The following SUGCT variants were observed in gnomAD, a reference collection of about 807,000 sequenced individuals.
The protein encoded by SUGCT is succinyl-CoA:glutarate CoA-transferase.
Under a neutral mutation model 55.0 loss-of-function variants are expected in SUGCT, and 41 were observed. The observed-to-expected ratio is 0.74, with a 90% CI of 0.58 to 0.97. The LOEUF (loss-of-function observed/expected upper bound fraction) is 0.97. SUGCT is among the 50% of genes least tolerant of loss of function. The pLI is 0.00. For synonymous variants in SUGCT, 187 were observed against 200.4 expected (o/e 0.93, Z 0.56); for missense variants, 568 against 547.8 (o/e 1.04, Z -0.37).
chr7:40,974,869 A>T, the SUGCT span, among the ~76,000 whole-genome samples: 1 of 152,186 alleles, frequency 6.6e-6, no homozygotes. Flanking sequence ...TTTCTCTGTA[A>T]AATGTAGACA....
At chr7:40,488,338 A>G (rs1172927789) in intron 11 of SUGCT, among the ~76,000 whole-genome samples, 1 of 152,154 alleles carries the variant, frequency 6.6e-6, no homozygotes, top group African/African-American at 2.4e-5. Flanking sequence ...TTTGATTGCA[A>G]CAACAAAAAA....
chr7:40,161,413 C>T (rs1348169137), intron 1 of SUGCT, among the ~76,000 whole-genome samples: 1 of 152,164 alleles, frequency 6.6e-6, no homozygotes, highest in Non-Finnish European at 1.5e-5. Context: ...ACACTCTTAA[C>T]ACTGCAACAC....
chr7:40,666,272 C>A (rs1296142402), intron 12 of SUGCT, among the ~76,000 whole-genome samples: 1 of 151,396 alleles, frequency 6.6e-6, no homozygotes, highest in Non-Finnish European at 1.5e-5. Flanking sequence ...ATCACTTTTA[C>A]CTGGGAGGCG....
intron 13 of SUGCT, among the ~76,000 whole-genome samples, chr7:40,757,681 T>C (rs1788325530): frequency 6.6e-6 from 1 of 152,176 alleles, no homozygotes; most frequent in Non-Finnish European, 1.5e-5. Flanking sequence ...TCCTTGAGAT[T>C]AGAGGTATGT....
chr7:40,320,565 T>C (rs888486764), intron 9 of SUGCT, among the ~76,000 whole-genome samples: 4 of 152,232 alleles, frequency 2.6e-5, no homozygotes, highest in Admixed American at 6.5e-5. Context: ...GCCCTTTACA[T>C]ACATGGCCAA....
At chr7:40,764,749 T>C (rs947543250) in intron 13 of SUGCT, among the ~76,000 whole-genome samples, 1 of 152,204 alleles carries the variant, frequency 6.6e-6, no homozygotes, top group Non-Finnish European at 1.5e-5. Context: ...CCTGTCAACC[T>C]TCCTGATAGA....
At chr7:40,621,177 TTTA>T (rs1353398108) in intron 12 of SUGCT, among the ~76,000 whole-genome samples, 2 of 152,196 alleles carry the variant, frequency 1.3e-5, no homozygotes, top group Non-Finnish European at 2.9e-5. Context: ...TAGTATTGTA[TTTA>T]TTATTGTAGC....
chr7:40,491,821 C>T (rs1255236517), intron 11 of SUGCT, among the ~76,000 whole-genome samples: 2 of 151,998 alleles, frequency 1.3e-5, no homozygotes, highest in Non-Finnish European at 2.9e-5. Flanking sequence ...TGTAACCTGT[C>T]TCTACTAAAA....
intron 12 of SUGCT, among the ~76,000 whole-genome samples, chr7:40,647,454 T>G (rs1213677616): frequency 6.6e-6 from 1 of 152,232 alleles, no homozygotes; most frequent in Non-Finnish European, 1.5e-5. Flanking sequence ...GTTGACTTAT[T>G]ATTCTTATTG....
At chr7:40,411,624 G>A (rs1428072415) in intron 9 of SUGCT, among the ~76,000 whole-genome samples, 3 of 152,164 alleles carry the variant, frequency 2.0e-5, no homozygotes, top group Non-Finnish European at 4.4e-5. Context: ...AAAGGTAGCA[G>A]GGAGAGGGGG....
the SUGCT span, among the ~76,000 whole-genome samples, chr7:40,955,869 T>C: frequency 2.0e-5 from 3 of 152,242 alleles, no homozygotes; most frequent in African/African-American, 7.2e-5. Flanking sequence ...AGGCTTTTTC[T>C]GCATCTATTG....
At chr7:40,601,403 ATCTTTGAGGT>A (rs1165530554) in intron 12 of SUGCT, among the ~76,000 whole-genome samples, 1 of 152,212 alleles carries the variant, frequency 6.6e-6, no homozygotes, top group Admixed American at 6.5e-5. Context: ...CTTGCCACAA[ATCTTTGAGGT>A]ACTCATGTAA....
chr7:40,957,299 T>A, the SUGCT span, among the ~76,000 whole-genome samples: 2 of 152,168 alleles, frequency 1.3e-5, no homozygotes, highest in African/African-American at 4.8e-5. Context: ...ATCTGGGTGC[T>A]CCTGTACTGG....
At chr7:40,579,046 A>G (rs753634965) in intron 12 of SUGCT, among the ~76,000 whole-genome samples, 1 of 152,158 alleles carries the variant, frequency 6.6e-6, no homozygotes, top group Non-Finnish European at 1.5e-5. Context: ...TACAATAATG[A>G]ACAACAACAA....
intron 12 of SUGCT, among the ~76,000 whole-genome samples, chr7:40,703,507 A>AG (rs1416573674): frequency 6.6e-6 from 1 of 152,120 alleles, no homozygotes; most frequent in African/African-American, 2.4e-5. Context: ...GGAAGATTGG[A>AG]GGTACTATCT....
In SUGCT at chr7:40,181,958, C is replaced by A; in HGVS notation, c.156C>A (p.Val52=). Residue 52 remains valine (V), a synonymous_variant, in exon 3 of 14, where the codon GTC becomes GTA. Coordinates refer to ENST00000335693, the MANE Select transcript of SUGCT (RefSeq NM_001193313.2). The part of the protein sequence containing the change: ...EGVKILDLTR[V]LAGPFATMNL... ...TTTATCATTTTTAACATTGTAGAGT[C>A]CTGGCGGGACCTTTTGCTACTATGA... The A allele has an allele frequency of 6.3e-7, 1 of 1,578,348 alleles. No homozygotes were observed. The highest frequency in any genetic ancestry group is 8.7e-7 in the Non-Finnish European group (1 of 1,154,900).
the SUGCT span, among the ~76,000 whole-genome samples, chr7:40,884,265 C>G: frequency 5.9e-5 from 9 of 152,224 alleles, no homozygotes; most frequent in African/African-American, 2.2e-4. Flanking sequence ...ACTTCAGGAA[C>G]CTTCAGCAGA....
chr7:41,018,957 G>C, the SUGCT span, among the ~76,000 whole-genome samples: 4 of 150,048 alleles, frequency 2.7e-5, no homozygotes, highest in African/African-American at 9.9e-5. Flanking sequence ...CCAGGCTAGA[G>C]TTCAATGGTG....
At chr7:41,036,006 CAG>C in the SUGCT span, among the ~76,000 whole-genome samples, 2 of 152,230 alleles carry the variant, frequency 1.3e-5, no homozygotes, top group Non-Finnish European at 2.9e-5. Flanking sequence ...TCCTGTTCAA[CAG>C]ACAGATGAGC....
Sources: gnomAD v4.1 joint callset for allele counts (sites outside exome capture counted in the v4.1 genomes callset) on GRCh38, gnomAD v4.1.1 for gene constraint, MANE v1.5 for transcripts, NCBI Gene and HGNC (gene_info 2026-07-23, HGNC 2026-07-21) for gene names.